The following ST6GALNAC3 variants were observed in gnomAD, a reference collection of about 807,000 sequenced individuals.
ST6GALNAC3 encodes alpha-N-acetylgalactosaminide alpha-2,6-sialyltransferase 3.
ST6GALNAC3 carries 25 observed loss-of-function variants against 32.7 expected under a neutral mutation model. The observed-to-expected ratio is 0.76, with a 90% confidence interval of 0.56 to 1.07. The LOEUF (loss-of-function observed/expected upper bound fraction) is 1.07. Ranked by LOEUF, ST6GALNAC3 falls within the 50% of genes least tolerant of loss-of-function variation. The pLI, the probability that ST6GALNAC3 is intolerant of heterozygous loss-of-function variation, is 0.00. For missense variants in ST6GALNAC3, 355 were observed against 382.4 expected (o/e 0.93, Z 0.60); for synonymous variants, 129 against 133.1 (o/e 0.97, Z 0.21).
chr1:76,527,230 C>A (rs1479949790), intron 3 of ST6GALNAC3, among the ~76,000 whole-genome samples: 1 of 152,106 alleles, frequency 6.6e-6, no homozygotes, highest in Non-Finnish European at 1.5e-5. Flanking sequence ...AAGCTTGCTT[C>A]ATCCTCAGAG....
intron 2 of ST6GALNAC3, among the ~76,000 whole-genome samples, chr1:76,318,207 A>G (rs1646903264): frequency 6.6e-6 from 1 of 152,110 alleles, no homozygotes; most frequent in Non-Finnish European, 1.5e-5. Context: ...GCATGTGAAA[A>G]CTGTGATGAC....
intron 2 of ST6GALNAC3, among the ~76,000 whole-genome samples, chr1:76,359,838 T>C (rs1326570097): frequency 6.6e-6 from 1 of 152,178 alleles, no homozygotes; most frequent in African/African-American, 2.4e-5. Context: ...AGGTGAATGA[T>C]TAGACTTACA....
chr1:76,615,866 G>A (rs1570456151), intron 3 of ST6GALNAC3, among the ~76,000 whole-genome samples: 1 of 152,134 alleles, frequency 6.6e-6, no homozygotes, highest in Non-Finnish European at 1.5e-5. Flanking sequence ...AAAGTTATCT[G>A]TCCTGCTTGA....
chr1:76,185,059 A>G (rs1653468093), intron 1 of ST6GALNAC3, among the ~76,000 whole-genome samples: 1 of 152,064 alleles, frequency 6.6e-6, no homozygotes, highest in African/African-American at 2.4e-5. Context: ...GTGAATCCAT[A>G]TTGCTTTCTT....
intron 3 of ST6GALNAC3, among the ~76,000 whole-genome samples, chr1:76,436,597 A>G (rs1656160854): frequency 6.6e-6 from 1 of 152,200 alleles, no homozygotes; most frequent in African/African-American, 2.4e-5. Context: ...AAAAACATAA[A>G]TGTTGGGGCT....
At chr1:76,487,087 A>G (rs1008067465) in intron 3 of ST6GALNAC3, among the ~76,000 whole-genome samples, 4 of 152,200 alleles carry the variant, frequency 2.6e-5, no homozygotes, top group Non-Finnish European at 4.4e-5. Flanking sequence ...GTTTCTGCCA[A>G]GAGATCAGCT....
At chr1:76,177,141 A>G (rs1487508204) in intron 1 of ST6GALNAC3, among the ~76,000 whole-genome samples, 1 of 151,806 alleles carries the variant, frequency 6.6e-6, no homozygotes, top group Non-Finnish European at 1.5e-5. Flanking sequence ...TTTTACTACA[A>G]TTTTTTTTTA....
intron 2 of ST6GALNAC3, among the ~76,000 whole-genome samples, chr1:76,396,189 G>C (rs1317731679): frequency 6.6e-6 from 1 of 152,198 alleles, no homozygotes. Flanking sequence ...ATTGGGCCAG[G>C]CATGGTGACT....
chr1:76,203,727 A>G (rs67625167), intron 1 of ST6GALNAC3, among the ~76,000 whole-genome samples: 12,765 of 152,210 alleles, frequency 0.084, 591 homozygotes, highest in African/African-American at 0.12. Context: ...TATTTTCACT[A>G]TGTATTCTAC....
chr1:76,430,020 C>G (rs1655647232), intron 3 of ST6GALNAC3, among the ~76,000 whole-genome samples: 1 of 152,196 alleles, frequency 6.6e-6, no homozygotes, highest in South Asian at 2.1e-4. Context: ...GTCTCTAAAA[C>G]TAGGTTGGCC....
intron 2 of ST6GALNAC3, among the ~76,000 whole-genome samples, chr1:76,320,831 C>T (rs1243329710): frequency 3.3e-5 from 5 of 152,014 alleles, no homozygotes; most frequent in Non-Finnish European, 7.4e-5. Context: ...GCAGCATATA[C>T]ATGCATACAT....
intron 3 of ST6GALNAC3, among the ~76,000 whole-genome samples, chr1:76,495,205 A>G (rs1660777617): frequency 6.6e-6 from 1 of 152,160 alleles, no homozygotes. Context: ...GTTGACACAT[A>G]AATTAACCGT....
intron 3 of ST6GALNAC3, among the ~76,000 whole-genome samples, chr1:76,616,493 G>C (rs1316527499): frequency 6.6e-6 from 1 of 152,136 alleles, no homozygotes; most frequent in Non-Finnish European, 1.5e-5. Flanking sequence ...CCCCATTTAG[G>C]AATTTTCTTG....
At chr1:76,538,383 G>A (rs184226668) in intron 3 of ST6GALNAC3, among the ~76,000 whole-genome samples, 2 of 152,160 alleles carry the variant, frequency 1.3e-5, no homozygotes, top group African/African-American at 2.4e-5. Context: ...AATAATAAGA[G>A]CTATTCATGA....
At chr1:76,207,550 A>T (rs971833547) in intron 1 of ST6GALNAC3, among the ~76,000 whole-genome samples, 4 of 152,228 alleles carry the variant, frequency 2.6e-5, no homozygotes, top group Non-Finnish European at 4.4e-5. Flanking sequence ...ATCCCAAGAC[A>T]GAAGGCATCA....
chr1:76,528,730 G>A (rs901825964), intron 3 of ST6GALNAC3, among the ~76,000 whole-genome samples: 1 of 151,622 alleles, frequency 6.6e-6, no homozygotes, highest in Non-Finnish European at 1.5e-5. Flanking sequence ...CTGAAGTGAG[G>A]CAATGGTGGT....
chr1:76,077,297 A>C (rs1646830489), intron 1 of ST6GALNAC3, among the ~76,000 whole-genome samples: 1 of 151,644 alleles, frequency 6.6e-6, no homozygotes, highest in Admixed American at 6.6e-5. Context: ...CCATTTGCTG[A>C]CCCTGGACTT....
chr1:76,462,121 C>T (rs1243060706), intron 3 of ST6GALNAC3, among the ~76,000 whole-genome samples: 1 of 152,070 alleles, frequency 6.6e-6, no homozygotes, highest in African/African-American at 2.4e-5. Context: ...TCCCCATCCC[C>T]CCAGCCTGTA....
chr1:76,159,868 A>G (rs1651707081), intron 1 of ST6GALNAC3, among the ~76,000 whole-genome samples: 3 of 152,216 alleles, frequency 2.0e-5, no homozygotes, highest in Admixed American at 6.5e-5. Flanking sequence ...CAAAGGAATT[A>G]CTGTGGTTGT....
Sources: allele counts gnomAD v4.1 joint callset (sites outside exome capture counted in the v4.1 genomes callset), GRCh38; gene constraint gnomAD v4.1.1; transcripts MANE v1.5; gene names NCBI Gene and HGNC (gene_info 2026-07-23, HGNC 2026-07-21).